BCOR: variants seen among roughly 807,000 people sequenced by gnomAD.
The protein encoded by BCOR is BCL6 corepressor, also known as BCL-6 corepressor.
In BCOR, 10 loss-of-function variants were observed where a neutral mutation model predicts 86.7. That is an observed-to-expected ratio of 0.12 (90% CI 0.07 to 0.20). The LOEUF (loss-of-function observed/expected upper bound fraction) is 0.20. Among genes scored for constraint, BCOR ranks in the 10% least tolerant of loss-of-function variants. The pLI, the probability that BCOR is intolerant of heterozygous loss-of-function variation, is 1.00. For synonymous variants in BCOR, 611 were observed against 609.0 expected, an observed-to-expected ratio of 1.00 and a Z score of -0.05; for missense variants, 1,259 against 1,452.1, an observed-to-expected ratio of 0.87 and a Z score of 2.16.
At chrX:40,160,988 T>A (rs758206990) in intron 1 of BCOR, among the ~76,000 whole-genome samples, 22 of 106,765 alleles carry the variant, frequency 2.1e-4, no homozygotes, top group African/African-American at 4.8e-4. Context: ...TTTATTTTTT[T>A]TTTTTAATTT....
intron 14 of BCOR, among the ~76,000 whole-genome samples, 173 bp from the exon 15 acceptor site, chrX:40,052,573 TTTTTTTTTG>T (rs1249697620): frequency 4.7e-5 from 3 of 63,512 alleles, no homozygotes; most frequent in Admixed American, 2.0e-4. Flanking sequence ...TTTTTTTTTT[TTTTTTTTTG>T]GAGACGGAAT....
At chrX:40,067,395 C>A (rs746940749) in intron 6 of BCOR, among the ~76,000 whole-genome samples, 79 of 111,978 alleles carry the variant, frequency 7.1e-4, no homozygotes, top group African/African-American at 2.4e-3. Flanking sequence ...ACCTTCTGCT[C>A]CCCATTCATG....
intron 1 of BCOR, among the ~76,000 whole-genome samples, chrX:40,119,626 G>A (rs1489868351): frequency 1.8e-5 from 2 of 110,356 alleles, no homozygotes; most frequent in Non-Finnish European, 3.8e-5. Context: ...GTGACAGAGT[G>A]AGACTCTGTC....
intron 1 of BCOR, among the ~76,000 whole-genome samples, chrX:40,090,262 G>A (rs1936542304): frequency 1.8e-5 from 2 of 113,501 alleles, no homozygotes; most frequent in East Asian, 5.6e-4. Context: ...CTCGGCGGCG[G>A]GAGGGACGGA....
At chrX:40,080,815 C>CGTGTGTGTGTGTGT (rs533981374) in intron 1 of BCOR, among the ~76,000 whole-genome samples, 1 of 65,996 alleles carries the variant, frequency 1.5e-5, no homozygotes, top group Non-Finnish European at 3.1e-5. Flanking sequence ...GGTTCACTGT[C>CGTGTGTGTGTGTGT]GTGTGTGTGT....
chrX:40,081,074 C>T (rs756629093), intron 1 of BCOR, among the ~76,000 whole-genome samples: 3 of 111,385 alleles, frequency 2.7e-5, no homozygotes, highest in East Asian at 5.7e-4. Context: ...GAACAAACAG[C>T]GGCGCCACTG....
chrX:40,120,966 A>G (rs933403870), intron 1 of BCOR, among the ~76,000 whole-genome samples: 2 of 111,283 alleles, frequency 1.8e-5, no homozygotes, highest in African/African-American at 6.5e-5. Context: ...GCAAGCCAAG[A>G]TTTCTGAGGT....
At chrX:40,065,824 A>G (rs1400363510) in intron 6 of BCOR, among the ~76,000 whole-genome samples, 1 of 110,047 alleles carries the variant, frequency 9.1e-6, no homozygotes, top group Non-Finnish European at 1.9e-5. Context: ...AAATAAGCAC[A>G]CGCCTCATCC....
chrX:40,079,567 C>G (rs1935981987), intron 1 of BCOR, among the ~76,000 whole-genome samples: 1 of 112,004 alleles, frequency 8.9e-6, no homozygotes, highest in South Asian at 3.7e-4. Flanking sequence ...TAGAGCTCAA[C>G]AATGAGGCTG....
chrX:40,109,444 CAA>C (rs1353116801), intron 1 of BCOR, among the ~76,000 whole-genome samples: 1 of 112,479 alleles, frequency 8.9e-6, no homozygotes, highest in African/African-American at 3.2e-5. Flanking sequence ...GGCTTCAAAA[CAA>C]AACTCCAGAG....
chrX:40,072,667 C>A lies in BCOR; in HGVS notation c.2679G>T (p.Gly893=). Reference sequence around the variant, plus strand: ...CCAGGAATGGAGTCGAGACTGGCAACCCTAGGTTCTCTTTGTTGGTACCTG... The same window carrying A: ...CCAGGAATGGAGTCGAGACTGGCAAACCTAGGTTCTCTTTGTTGGTACCTG... The part of the protein sequence containing the change: ...VLAGTNKENL[G]LPVSTPFLEP... The change falls in exon 4 of 15, where the codon GGG becomes GGT. Residue 893 remains glycine, a synonymous_variant. Transcript: ENST00000378444. The A allele has an allele frequency of 1.7e-6, 2 of 1,211,935 alleles. No homozygotes were observed. Among genetic ancestry groups the A allele is most frequent in the East Asian group, 3.0e-5 (1 of 33,854 alleles).
chrX:40,066,921 A>AACCC (rs1935228319), intron 6 of BCOR, among the ~76,000 whole-genome samples: 2 of 39,387 alleles, frequency 5.1e-5, no homozygotes, highest in African/African-American at 9.3e-5. Context: ...TCCCAGAGAC[A>AACCC]CCCCCCCCCC....
chrX:40,105,408 C>A (rs1937158210), intron 1 of BCOR, among the ~76,000 whole-genome samples: 1 of 112,438 alleles, frequency 8.9e-6, no homozygotes, highest in African/African-American at 3.2e-5. Context: ...GGCCCCAGGG[C>A]TGTTCCAGAC....
At chrX:40,109,830 A>T (rs1282824411) in intron 1 of BCOR, among the ~76,000 whole-genome samples, 7 of 111,595 alleles carry the variant, frequency 6.3e-5, no homozygotes. Context: ...TGGAAACTCC[A>T]TGTTTTGAAA....
chrX:40,124,892 C>T (rs1051186222), intron 1 of BCOR, among the ~76,000 whole-genome samples: 2 of 110,994 alleles, frequency 1.8e-5, no homozygotes, highest in Non-Finnish European at 3.8e-5. Context: ...TCTGAAACAC[C>T]CCTTACATAT....
intron 8 of BCOR, 143 bp downstream of exon 8, chrX:40,063,465 G>T: frequency 1.9e-6 from 1 of 530,574 alleles, no homozygotes; most frequent in Non-Finnish European, 3.2e-6. Flanking sequence ...AGGACATCAA[G>T]AGAGAACTCC....
At position 40,155,644 on chromosome X, in the gene BCOR, T is replaced by G. The variant is rs551959177; in HGVS notation, c.-41+21363A>C. Among the ~76,000 whole-genome samples, 26 of 95,863 alleles carry G rather than the reference T, an allele frequency of 2.7e-4. No homozygotes were observed. The South Asian group carries it at 6.0e-3, about 22-fold the overall frequency. 83.2% of individuals were successfully genotyped at this position (95,863 alleles called of 115,157 possible). On this transcript the variant is annotated intron_variant, in intron 1 of 14. Coordinates refer to the BCOR transcript ENST00000342274. Reference sequence around the variant, plus strand: ...GGCGCCTGGAAGTAGGGAGGGGGTGTGGGGGGGGGAAAGACCCTCGCCGAG... The same window carrying G: ...GGCGCCTGGAAGTAGGGAGGGGGTGGGGGGGGGGGAAAGACCCTCGCCGAG...
chrX:40,144,545 G>A (rs1937997557), intron 1 of BCOR, among the ~76,000 whole-genome samples: 1 of 112,086 alleles, frequency 8.9e-6, no homozygotes, highest in Admixed American at 9.4e-5. Context: ...CCACATAAAA[G>A]CGATTTATTT....
rs1019960205 is a variant in BCOR, at chrX:40,063,191, G to A, written c.3848-120C>T. The A allele has an allele frequency of 5.9e-6, 3 of 506,565 alleles. No homozygotes were observed. In the East Asian group the frequency reaches 1.1e-4, roughly 19 times the overall value. 41.7% of individuals were successfully genotyped at this position (506,565 alleles called of 1,213,427 possible). ...CATTGTTAACACTGATCACTGGAGCGGCTTCAGTTTTTAAAGATACACCAA... is the reference window on the plus strand; with the variant it reads ...CATTGTTAACACTGATCACTGGAGCAGCTTCAGTTTTTAAAGATACACCAA... On this transcript the variant is annotated intron_variant, in intron 8 of 14. Coordinates refer to ENST00000378444, the MANE Select transcript of BCOR (RefSeq NM_001123385.2).
Sources: gnomAD v4.1 joint callset for allele counts (sites outside exome capture counted in the v4.1 genomes callset) on GRCh38, gnomAD v4.1.1 for gene constraint, MANE v1.5 for transcripts, NCBI Gene and HGNC (gene_info 2026-07-23, HGNC 2026-07-21) for gene names.